The following ATG16L1 variants were observed in gnomAD, a reference collection of about 807,000 sequenced individuals.
The protein encoded by ATG16L1 is autophagy related 16 like 1, also known as autophagy-related protein 16-1.
In ATG16L1, 37 loss-of-function variants were observed where a neutral mutation model predicts 88.5. The ratio of observed to expected loss-of-function variants is 0.42; its 90% CI spans 0.32 to 0.55. The LOEUF (loss-of-function observed/expected upper bound fraction) is 0.55, where lower values mean the gene tolerates loss of function less well. Ranked by LOEUF, ATG16L1 falls within the 20% of genes least tolerant of loss-of-function variation. The probability of loss-of-function intolerance (pLI) is 0.13; values close to 1 mark genes in which losing one functional copy is unlikely to be tolerated. For missense variants in ATG16L1, 554 were observed against 752.8 expected (o/e 0.74, Z 3.09); for synonymous variants, 301 against 281.0 (o/e 1.07, Z -0.71).
intron 12 of ATG16L1, chr2:233,288,699 TCTGAGTC>T (rs774131506): frequency 3.9e-6 from 2 of 509,644 alleles, no homozygotes; most frequent in East Asian, 1.1e-4. Context: ...TGGTAAAAGG[TCTGAGTC>T]CTCAGATCCC....
At position 233,273,500 on chromosome 2, in the gene ATG16L1, A is replaced by G. The variant is rs1055054065; in HGVS notation, c.795-221A>G. On this transcript the variant is annotated intron_variant, in intron 7 of 17. Transcript: ENST00000392017. ...TTATTTCCAGGGAAATTAATTTAATACTAGGGAACCTTGTTTCTTTTGAAA... is the reference window on the plus strand; with the variant it reads ...TTATTTCCAGGGAAATTAATTTAATGCTAGGGAACCTTGTTTCTTTTGAAA... 22 of 550,670 alleles carry G rather than the reference A, an allele frequency of 4.0e-5. 1 individual carries two copies. The highest frequency in any genetic ancestry group is 3.2e-4 in the Admixed American group (9 of 28,560). 34.1% of individuals were successfully genotyped at this position (550,670 alleles called of 1,614,324 possible). A position where few individuals can be genotyped will look rare whatever the true frequency, so the allele number is the denominator to read the frequency against.
At chr2:233,288,723 G>GC (rs1699249273) in intron 12 of ATG16L1, 1 of 516,024 alleles carries the variant, frequency 1.9e-6, no homozygotes, top group Admixed American at 1.9e-5. Flanking sequence ...TCCCCTCCCG[G>GC]CATCCCAGTT....
At chr2:233,286,629 T>TC (rs1296453591) in intron 12 of ATG16L1, among the ~76,000 whole-genome samples, 34 of 139,018 alleles carry the variant, frequency 2.4e-4, no homozygotes, top group African/African-American at 8.4e-4. Flanking sequence ...AACTTTTTTT[T>TC]TTTTTTTTTT....
chr2:233,268,949 TA>T (rs1393576380), intron 5 of ATG16L1, among the ~76,000 whole-genome samples: 1 of 152,168 alleles, frequency 6.6e-6, no homozygotes, highest in African/African-American at 2.4e-5. Flanking sequence ...AGTTCTACAT[TA>T]GGGGTCCTCC....
chr2:233,284,942 C>T (rs1441811042), intron 12 of ATG16L1, among the ~76,000 whole-genome samples: 3 of 152,140 alleles, frequency 2.0e-5, no homozygotes, highest in Non-Finnish European at 2.9e-5. Flanking sequence ...GATCCAGGTC[C>T]GAACATGCAA....
At chr2:233,276,051 TA>T (rs1308360268) in intron 9 of ATG16L1, 4 of 491,574 alleles carry the variant, frequency 8.1e-6, no homozygotes, top group Admixed American at 2.1e-5. Flanking sequence ...TTCATGGGGG[TA>T]AAAGGTTTGG....
intron 2 of ATG16L1, among the ~76,000 whole-genome samples, chr2:233,257,323 C>A (rs1488847508): frequency 6.6e-6 from 1 of 152,104 alleles, no homozygotes; most frequent in African/African-American, 2.4e-5. Flanking sequence ...GCCACCGCGC[C>A]CAGCCCAGCT....
At chr2:233,286,983 C>T (rs966300330) in intron 12 of ATG16L1, among the ~76,000 whole-genome samples, 7 of 152,132 alleles carry the variant, frequency 4.6e-5, no homozygotes, top group South Asian at 2.1e-4. Flanking sequence ...AGAAACAAAA[C>T]GTCCCTTTCC....
chr2:233,289,641 C>T (rs1168348159), intron 12 of ATG16L1, among the ~76,000 whole-genome samples: 2 of 152,214 alleles, frequency 1.3e-5, no homozygotes, highest in African/African-American at 2.4e-5. Context: ...GTCCTCACAC[C>T]TTGGCCTCCC....
At chr2:233,273,494 T>G in intron 7 of ATG16L1, 2 of 547,378 alleles carry the variant, frequency 3.7e-6, no homozygotes, top group South Asian at 5.3e-5. Context: ...GGGAAATTAA[T>G]TTAATACTAG....
At chr2:233,256,606 T>A (rs1696792251) in intron 2 of ATG16L1, among the ~76,000 whole-genome samples, 1 of 152,092 alleles carries the variant, frequency 6.6e-6, no homozygotes, top group Non-Finnish European at 1.5e-5. Flanking sequence ...GCAGTATGGG[T>A]CTATTTGATC....
In ATG16L1 at chr2:233,294,513, G is replaced by T; in HGVS notation, c.*163G>T. On this transcript the variant is annotated 3_prime_UTR_variant, in exon 18 of 18. Transcript: ENST00000392017. ...CTTTGCCGTGAATGGGATTTCTGAAGATTTGACTGAGGTCTCTCTTGGCCT... is the reference window on the plus strand; with the variant it reads ...CTTTGCCGTGAATGGGATTTCTGAATATTTGACTGAGGTCTCTCTTGGCCT... 1.9e-6 allele frequency: 1 copy of T among 530,792 alleles called. No homozygotes were observed. The highest frequency in any genetic ancestry group is 3.3e-6 in the Non-Finnish European group (1 of 300,846). 32.9% of individuals were successfully genotyped at this position (530,792 alleles called of 1,614,324 possible).
intron 12 of ATG16L1, among the ~76,000 whole-genome samples, chr2:233,288,476 C>T (rs1357945167): frequency 6.6e-6 from 1 of 152,062 alleles, no homozygotes; most frequent in African/African-American, 2.4e-5. Flanking sequence ...AGATGAGGGT[C>T]TCACTAATTT....
At chr2:233,260,699 C>G (rs1463240601) in intron 2 of ATG16L1, among the ~76,000 whole-genome samples, 1 of 152,172 alleles carries the variant, frequency 6.6e-6, no homozygotes, top group African/African-American at 2.4e-5. Context: ...TCCTGCTTGC[C>G]TTAGTCTCTC....
In ATG16L1 at chr2:233,264,911, A is replaced by G; in HGVS notation, c.409A>G (p.Thr137Ala). ...TTCCAGAATTGCAGAATGTTTGCAG[A>G]CTATCTCTGACCTGGAGACGGAGTG... Reference protein sequence around the residue: ...NEAKIAECLQTISDLETECLD... With the variant: ...NEAKIAECLQAISDLETECLD... The change falls in exon 5 of 18, where the codon ACT becomes GCT. Residue 137 changes from threonine (T) to alanine (A), a missense_variant. Physicochemically the swap from Thr to Ala is moderately conservative, Grantham distance 58. This residue lies in a region of ATG16L1 where 50 missense variants were observed against 49.4 expected (regional missense o/e 1.01). Transcript: ENST00000392017. 3 of 1,614,002 alleles carry G rather than the reference A, an allele frequency of 1.9e-6. No individual in the cohort carries two copies. The highest frequency in any genetic ancestry group is 1.3e-5 in the African/African-American group (1 of 75,056).
At chr2:233,271,686 C>T (rs1442674599) in intron 6 of ATG16L1, among the ~76,000 whole-genome samples, 1 of 152,210 alleles carries the variant, frequency 6.6e-6, no homozygotes, top group Non-Finnish European at 1.5e-5. Context: ...TTCTTGTGGT[C>T]CCGGGCCTAA....
chr2:233,263,122 C>T lies in ATG16L1; in HGVS notation c.210-8C>T, dbSNP rs1156881111. 1 of 1,613,514 alleles carries T rather than the reference C, an allele frequency of 6.2e-7. No individual in the cohort carries two copies. The highest frequency in any genetic ancestry group is 1.7e-5 in the Admixed American group (1 of 59,950). On this transcript the variant is annotated splice_region_variant and splice_polypyrimidine_tract_variant and intron_variant, in intron 2 of 17. Transcript: ENST00000392017. ...CATTCTCTTCATCTGCCTGGTTTGCCAATTTAGTCCCGGACATGATGGCAC... is the reference window on the plus strand; with the variant it reads ...CATTCTCTTCATCTGCCTGGTTTGCTAATTTAGTCCCGGACATGATGGCAC...
intron 8 of ATG16L1, 54 bp downstream of exon 8, chr2:233,273,831 G>T (rs1698152571): frequency 3.8e-6 from 6 of 1,573,926 alleles, no homozygotes; most frequent in Non-Finnish European, 4.4e-6. Flanking sequence ...CTAAGTATAT[G>T]TACATGACTT....
At chr2:233,253,332 G>GTT (rs570754671) in intron 1 of ATG16L1, among the ~76,000 whole-genome samples, 17,814 of 110,606 alleles carry the variant, frequency 0.16, 2,626 homozygotes, top group Non-Finnish European at 0.22. Flanking sequence ...GTGAGACTGG[G>GTT]TTTTTTTGTT....
Sources: allele counts gnomAD v4.1 joint callset (sites outside exome capture counted in the v4.1 genomes callset), GRCh38; gene constraint gnomAD v4.1.1; regional missense constraint gnomAD v4.1.1; transcripts MANE v1.5; gene names NCBI Gene and HGNC (gene_info 2026-07-23, HGNC 2026-07-21).